Variants in GRIK2 observed in about 807,000 individuals in gnomAD.
GRIK2 encodes the protein glutamate receptor ionotropic, kainate 2.
A neutral mutation model predicts 100.3 loss-of-function variants in GRIK2; 32 were observed. The ratio of observed to expected loss-of-function variants is 0.32; its 90% CI spans 0.24 to 0.43. The LOEUF (loss-of-function observed/expected upper bound fraction) is 0.43. Among genes scored for constraint, GRIK2 ranks in the 20% least tolerant of loss-of-function variants. The pLI, the probability that GRIK2 is intolerant of heterozygous loss-of-function variation, is 1.00. For missense variants in GRIK2, 843 were observed against 1,114.9 expected (o/e 0.76, Z 3.47); for synonymous variants, 417 against 389.4 (o/e 1.07, Z -0.83).
chr6:101,848,639 T>C (rs950248748), intron 10 of GRIK2, among the ~76,000 whole-genome samples: 11 of 152,126 alleles, frequency 7.2e-5, no homozygotes, highest in South Asian at 2.1e-4. Context: ...AATTTATTGA[T>C]CATCTTTGGA....
At chr6:101,900,893 A>G (rs1268709000) in intron 12 of GRIK2, among the ~76,000 whole-genome samples, 4 of 149,962 alleles carry the variant, frequency 2.7e-5, no homozygotes, top group Admixed American at 2.0e-4. Context: ...TCATTTACTT[A>G]CTGAGTGTCC....
At chr6:101,995,343 T>C (rs952031583) in intron 14 of GRIK2, among the ~76,000 whole-genome samples, 2 of 151,962 alleles carry the variant, frequency 1.3e-5, no homozygotes, top group Admixed American at 6.6e-5. Context: ...CAAGTAACAT[T>C]TCAAATTTCA....
At chr6:101,972,724 A>G (rs901098805) in intron 14 of GRIK2, among the ~76,000 whole-genome samples, 1 of 151,822 alleles carries the variant, frequency 6.6e-6, no homozygotes, top group African/African-American at 2.4e-5. Context: ...ATTTTTATAT[A>G]TGGTGAAAGG....
intron 10 of GRIK2, among the ~76,000 whole-genome samples, chr6:101,858,625 G>A (rs952441097): frequency 2.0e-5 from 3 of 151,840 alleles, no homozygotes; most frequent in Non-Finnish European, 4.4e-5. Flanking sequence ...TCCTGACCTC[G>A]TGATCTGCCC....
chr6:101,877,085 T>C (rs575798281), intron 11 of GRIK2, among the ~76,000 whole-genome samples: 4 of 151,904 alleles, frequency 2.6e-5, no homozygotes, highest in Non-Finnish European at 4.4e-5. Flanking sequence ...ACAAATGAGC[T>C]TCATAGTTTT....
intron 2 of GRIK2, among the ~76,000 whole-genome samples, chr6:101,621,665 G>T (rs530384158): frequency 1.3e-5 from 2 of 151,944 alleles, no homozygotes; most frequent in African/African-American, 4.8e-5. Context: ...AAGAAAAAAA[G>T]TCCAAATCAT....
chr6:101,825,461 T>A, intron 10 of GRIK2, among the ~76,000 whole-genome samples: 1 of 152,132 alleles, frequency 6.6e-6, no homozygotes, highest in South Asian at 2.1e-4. Flanking sequence ...TGATGTAAAA[T>A]TAGGTATAAT....
In GRIK2 at chr6:101,836,352, A is replaced by G. The variant is rs147871433; in HGVS notation, c.1317+17869A>G. Among the ~76,000 whole-genome samples, 15 of 152,174 alleles carry G rather than the reference A, an allele frequency of 9.9e-5. 1 individual carries two copies. Among genetic ancestry groups the G allele is most frequent in the Middle Eastern group, 6.8e-3 (2 of 294 alleles). Reference sequence around the variant, plus strand: ...GTAGCTTCGTCACATATGACTATTAAACACTTGACACCTGGCTTGATTGAA... The same window carrying G: ...GTAGCTTCGTCACATATGACTATTAGACACTTGACACCTGGCTTGATTGAA... On this transcript the variant is annotated intron_variant, in intron 10 of 16. Transcript: ENST00000369134.
At chr6:101,539,441 T>C (rs1174101683) in intron 2 of GRIK2, among the ~76,000 whole-genome samples, 1 of 151,788 alleles carries the variant, frequency 6.6e-6, no homozygotes, top group Admixed American at 6.6e-5. Context: ...TTTAAAGTTT[T>C]ACATGATGAA....
intron 14 of GRIK2, among the ~76,000 whole-genome samples, chr6:101,986,977 T>C (rs549292815): frequency 6.6e-6 from 1 of 151,614 alleles, no homozygotes; most frequent in South Asian, 2.1e-4. Context: ...CCAGCTATAT[T>C]AAAAAATAAA....
intron 10 of GRIK2, among the ~76,000 whole-genome samples, chr6:101,834,665 A>C (rs1782945510): frequency 6.6e-6 from 1 of 151,754 alleles, no homozygotes; most frequent in Non-Finnish European, 1.5e-5. Context: ...AACTACTTTT[A>C]ACATCTACAC....
At chr6:102,020,974 A>G (rs1295124130) in intron 14 of GRIK2, among the ~76,000 whole-genome samples, 1 of 151,842 alleles carries the variant, frequency 6.6e-6, no homozygotes, top group African/African-American at 2.4e-5. Flanking sequence ...GAGAATATTC[A>G]TATAAAAAGA....
At chr6:101,417,114 G>T (rs189817434) in intron 2 of GRIK2, among the ~76,000 whole-genome samples, 1 of 152,322 alleles carries the variant, frequency 6.6e-6, no homozygotes, top group African/African-American at 2.4e-5. Context: ...GAGGAGCAAA[G>T]CTACTGGCAG....
chr6:101,522,719 A>G (rs1303773223), intron 2 of GRIK2, among the ~76,000 whole-genome samples: 1 of 152,018 alleles, frequency 6.6e-6, no homozygotes, highest in Non-Finnish European at 1.5e-5. Context: ...AGCCTTCTCC[A>G]GATGCTCTCA....
intron 7 of GRIK2, among the ~76,000 whole-genome samples, chr6:101,795,943 T>G (rs891341739): frequency 5.3e-5 from 8 of 152,368 alleles, no homozygotes; most frequent in African/African-American, 1.9e-4. Context: ...CCTTTTCTTA[T>G]TTTGCAGTGC....
intron 15 of GRIK2, among the ~76,000 whole-genome samples, chr6:102,044,587 C>T (rs1300984967): frequency 2.0e-5 from 3 of 151,966 alleles, no homozygotes; most frequent in East Asian, 1.9e-4. Context: ...TTCACTACCA[C>T]GAGAACAGTA....
intron 7 of GRIK2, among the ~76,000 whole-genome samples, chr6:101,768,054 T>C (rs1197859366): frequency 1.3e-5 from 2 of 152,004 alleles, no homozygotes; most frequent in Non-Finnish European, 2.9e-5. Context: ...AAATGGGGTT[T>C]TACCATGTTG....
At chr6:101,491,288 A>C (rs1773094339) in intron 2 of GRIK2, among the ~76,000 whole-genome samples, 1 of 149,414 alleles carries the variant, frequency 6.7e-6, no homozygotes. Context: ...AAAAAAAAAA[A>C]CCCAACCAAA....
chr6:101,709,501 G>A (rs897820259), intron 7 of GRIK2, among the ~76,000 whole-genome samples: 8 of 151,742 alleles, frequency 5.3e-5, no homozygotes, highest in African/African-American at 1.5e-4. Context: ...AAAACTAAAT[G>A]AATCTCATTA....
Sources: gnomAD v4.1 joint callset for allele counts (sites outside exome capture counted in the v4.1 genomes callset) on GRCh38, gnomAD v4.1.1 for gene constraint, MANE v1.5 for transcripts, NCBI Gene and HGNC (gene_info 2026-07-23, HGNC 2026-07-21) for gene names.